The following HSPA12A variants were observed in gnomAD, a reference collection of about 807,000 sequenced individuals.
The protein encoded by HSPA12A is heat shock 70 kDa protein 12A.
A neutral mutation model predicts 69.2 loss-of-function variants in HSPA12A; 28 were observed. The observed-to-expected ratio is 0.40, with a 90% CI of 0.30 to 0.55. The LOEUF is 0.55. Among genes scored for constraint, HSPA12A ranks in the 20% least tolerant of loss-of-function variants. The pLI, the probability that HSPA12A is intolerant of heterozygous loss-of-function variation, is 0.38. For synonymous variants in HSPA12A, 345 were observed against 370.5 expected (o/e 0.93, Z 0.79); for missense variants, 686 against 900.7 (o/e 0.76, Z 3.05).
chr10:116,750,420 C>G lies in HSPA12A; in HGVS notation c.92-43135G>C, dbSNP rs1304003668. 3 of 646,524 alleles carry G rather than the reference C, an allele frequency of 4.6e-6. No individual in the cohort carries two copies. The Admixed American group carries it at 6.1e-5, about 13-fold the overall frequency. The allele number at this position is 646,524 out of a possible 1,614,324, so 40.0% of individuals were successfully genotyped here. A position where few individuals can be genotyped will look rare whatever the true frequency, so the allele number is the denominator to read the frequency against. ...AGCACAGATGGAGGCTTGTCTACCC[C>G]TCATGGTACCCAATGATTCCCTGGT... On this transcript the variant is annotated intron_variant, in intron 2 of 12. Coordinates refer to the HSPA12A transcript ENST00000635765.
chr10:116,814,581 C>T (rs2133188358), intron 2 of HSPA12A, among the ~76,000 whole-genome samples: 1 of 152,290 alleles, frequency 6.6e-6, no homozygotes, highest in Non-Finnish European at 1.5e-5. Flanking sequence ...TGCTGGCAGT[C>T]ACTCTCCACC....
chr10:116,810,519 C>A (rs911881769), intron 2 of HSPA12A, among the ~76,000 whole-genome samples: 1 of 152,138 alleles, frequency 6.6e-6, no homozygotes, highest in African/African-American at 2.4e-5. Flanking sequence ...CGTATAAGCA[C>A]GGCACTTTCA....
At chr10:116,784,190 A>AGTCACATTT (rs1440971367) in intron 2 of HSPA12A, among the ~76,000 whole-genome samples, 1 of 152,216 alleles carries the variant, frequency 6.6e-6, no homozygotes, top group Non-Finnish European at 1.5e-5. Context: ...GACACACAAA[A>AGTCACATTT]GTCACATTTC....
intron 4 of HSPA12A, 85 bp from the exon 5 acceptor site, chr10:116,698,824 T>C (rs1284308421): frequency 4.8e-6 from 5 of 1,037,986 alleles, no homozygotes; most frequent in Non-Finnish European, 7.4e-6. Context: ...CAAGGGGACC[T>C]AGAGGATCCT....
intron 2 of HSPA12A, among the ~76,000 whole-genome samples, chr10:116,752,061 C>T (rs1275890770): frequency 6.6e-6 from 1 of 152,220 alleles, no homozygotes; most frequent in Non-Finnish European, 1.5e-5. Context: ...TGGACCGACA[C>T]GTATGCTCAC....
In HSPA12A at chr10:116,804,673, C is replaced by T. The variant is rs76812222; in HGVS notation, c.91+30262G>A. Among the ~76,000 whole-genome samples, 658 of 152,302 alleles carry T rather than the reference C, an allele frequency of 4.3e-3. 4 individuals carry two copies. The highest frequency in any genetic ancestry group is 0.015 in the African/African-American group (633 of 41,556). On this transcript the variant is annotated intron_variant, in intron 2 of 12. Coordinates refer to the HSPA12A transcript ENST00000635765. ...TAGGTGTTCTGTGTTTTTACAAACT[C>T]TCCTCCCTGGTTGTTATAAGATTAA...
intron 6 of HSPA12A, among the ~76,000 whole-genome samples, chr10:116,691,868 C>G (rs1378716481): frequency 7.9e-5 from 12 of 152,396 alleles, no homozygotes; most frequent in African/African-American, 2.6e-4. Context: ...GGAACAATCA[C>G]ACTTCCCTTC....
chr10:116,840,071 T>C (rs1210721074), intron 1 of HSPA12A, among the ~76,000 whole-genome samples: 1 of 152,204 alleles, frequency 6.6e-6, no homozygotes, highest in Non-Finnish European at 1.5e-5. Flanking sequence ...TTTGTTCTCA[T>C]ATAATAAATA....
Position 116,672,925 on chromosome 10 carries a change from T to C in HSPA12A, c.*1856A>G, listed in dbSNP as rs1849125601. On this transcript the variant is annotated 3_prime_UTR_variant, in exon 12 of 12. Coordinates refer to ENST00000369209, the MANE Select transcript of HSPA12A (RefSeq NM_025015.3). ...TCTAAGTTCTGTGGTTTGTTCGTTG[T>C]TTCACATTCTAGTAGGGAATTCTGC... is the stretch of plus-strand genomic sequence containing the variant. 6.6e-6 allele frequency: 1 copy of C among 152,662 alleles called. No homozygotes were observed. The highest frequency in any genetic ancestry group is 1.5e-5 in the Non-Finnish European group (1 of 68,040). 9.5% of individuals were successfully genotyped at this position (152,662 alleles called of 1,614,324 possible).
chr10:116,830,792 GTACATATATACAATA>G (rs1255847236), intron 2 of HSPA12A: 6 of 135,758 alleles, frequency 4.4e-5, no homozygotes, highest in Non-Finnish European at 8.8e-5. Context: ...ATGTATATAT[GTACATATATACAATA>G]TACATATAAA....
upstream of HSPA12A, among the ~76,000 whole-genome samples, chr10:116,747,371 C>T (rs1414037295): frequency 1.3e-5 from 2 of 152,226 alleles, no homozygotes; most frequent in East Asian, 1.9e-4. Flanking sequence ...AGCAATGGCT[C>T]GTCTATGGTT....
At chr10:116,742,610 C>CA (rs1851552747), upstream of HSPA12A, 1 of 1,081,940 alleles carries the variant, frequency 9.2e-7, no homozygotes. Context: ...CGGCAGCCGC[C>CA]GCAGCCACGG....
chr10:116,802,270 G>A (rs114692273), intron 2 of HSPA12A, among the ~76,000 whole-genome samples: 2,360 of 152,292 alleles, frequency 0.015, 72 homozygotes, highest in African/African-American at 0.054. Flanking sequence ...GCCCAGGCCC[G>A]TGGACTCCTG....
At position 116,681,147 on chromosome 10, in the gene HSPA12A, C is replaced by T; in HGVS notation, c.1027+5G>A. 1.2e-6 allele frequency: 2 copies of T among 1,605,714 alleles called. No individual in the cohort carries two copies. The highest frequency in any genetic ancestry group is 1.7e-6 in the Non-Finnish European group (2 of 1,172,390). The stretch of plus-strand genomic sequence containing the variant: ...AATAAGAAAATTAGCCCTGCAGGGC[C>T]TCACCTGTTGCTTTATACAGTTCCT... On this transcript the variant is annotated splice_donor_5th_base_variant and intron_variant, in intron 9 of 11. Transcript: ENST00000369209.
intron 1 of HSPA12A, among the ~76,000 whole-genome samples, chr10:116,732,358 G>GA (rs1851189876): frequency 4.6e-5 from 4 of 87,822 alleles, no homozygotes; most frequent in Non-Finnish European, 8.5e-5. Context: ...GAAAGAGACA[G>GA]AGGGAAAGAA....
chr10:116,779,133 T>C (rs1242752922), intron 2 of HSPA12A, among the ~76,000 whole-genome samples: 2 of 152,168 alleles, frequency 1.3e-5, no homozygotes, highest in Non-Finnish European at 2.9e-5. Context: ...TTCCAAGCCC[T>C]CCAGGGCCTT....
intron 1 of HSPA12A, 99 bp downstream of exon 1, chr10:116,742,331 T>C (rs1851539306): frequency 4.0e-6 from 5 of 1,250,784 alleles, no homozygotes; most frequent in Non-Finnish European, 5.1e-6. Context: ...GTCCCCACTT[T>C]TCCACGGCGC....
chr10:116,848,664 G>A (rs1045355250), intron 1 of HSPA12A, among the ~76,000 whole-genome samples: 4 of 152,158 alleles, frequency 2.6e-5, no homozygotes, highest in African/African-American at 9.7e-5. Flanking sequence ...TACCTGGCAG[G>A]TACAATGAAG....
At position 116,677,965 on chromosome 10, in the gene HSPA12A, G is replaced by A. The variant is rs116951897; in HGVS notation, c.1287-1463C>T. ...GGAAAAATTCATTAGCTACTTTGGCGGATACTAGGAAATTGATTCTTTTTT... is the reference window on the plus strand; with the variant it reads ...GGAAAAATTCATTAGCTACTTTGGCAGATACTAGGAAATTGATTCTTTTTT... On this transcript the variant is annotated intron_variant, in intron 10 of 11. Transcript: ENST00000369209. Among the ~76,000 whole-genome samples, 856 of 149,012 alleles carry A rather than the reference G, an allele frequency of 5.7e-3. 7 individuals carry two copies. Among genetic ancestry groups the A allele is most frequent in the African/African-American group, 0.017 (704 of 40,914 alleles).
Sources: allele counts gnomAD v4.1 joint callset (sites outside exome capture counted in the v4.1 genomes callset), GRCh38; gene constraint gnomAD v4.1.1; transcripts MANE v1.5; gene names NCBI Gene and HGNC (gene_info 2026-07-23, HGNC 2026-07-21).